ITGA1: variants seen among roughly 807,000 people sequenced by gnomAD.
ITGA1 encodes integrin alpha-1.
In ITGA1, 85 loss-of-function variants were observed where a neutral mutation model predicts 145.9. The ratio of observed to expected loss-of-function variants is 0.58; its 90% CI spans 0.49 to 0.70. The LOEUF is 0.70. Among genes scored for constraint, ITGA1 ranks in the 30% least tolerant of loss-of-function variants. The pLI, the probability that ITGA1 is intolerant of heterozygous loss-of-function variation, is 0.00. For synonymous variants in ITGA1, 520 were observed against 495.3 expected (o/e 1.05, Z -0.66); for missense variants, 1,351 against 1,418.7 (o/e 0.95, Z 0.77).
intron 6 of ITGA1, among the ~76,000 whole-genome samples, 198 bp downstream of exon 6, chr5:52,866,015 T>TTTTTTC (rs1333552916): frequency 6.6e-6 from 1 of 152,058 alleles, no homozygotes; most frequent in Non-Finnish European, 1.5e-5. Context: ...TTCTTTTTTC[T>TTTTTTC]TTTTTCTTTT....
chr5:52,849,498 GT>G lies in ITGA1; in HGVS notation c.182+17del. 1 of 1,578,046 alleles carries G rather than the reference GT, an allele frequency of 6.3e-7. No individual in the cohort carries two copies. The stretch of plus-strand genomic sequence containing the variant: ...AAGAAGGAAAATGGTAAGCCAGTGG[GT>G]TTTGTTGTTGTTATTTACTTATTTC... On this transcript the variant is annotated intron_variant, in intron 2 of 28. Transcript: ENST00000282588.
At chr5:52,836,080 T>A (rs1374934450) in intron 1 of ITGA1, among the ~76,000 whole-genome samples, 1 of 152,214 alleles carries the variant, frequency 6.6e-6, no homozygotes, top group Non-Finnish European at 1.5e-5. Flanking sequence ...TTATTTTGCA[T>A]CTTCCCTGAA....
chr5:52,855,442 G>A (rs377084085), intron 2 of ITGA1, among the ~76,000 whole-genome samples: 6 of 152,242 alleles, frequency 3.9e-5, no homozygotes, highest in South Asian at 2.1e-4. Context: ...TGACACAGTC[G>A]TTAATTCATT....
intron 14 of ITGA1, among the ~76,000 whole-genome samples, chr5:52,914,206 T>G (rs1409443351): frequency 6.6e-6 from 1 of 152,150 alleles, no homozygotes; most frequent in Non-Finnish European, 1.5e-5. Context: ...TGGCAAAATG[T>G]TTTTCCAAGG....
intron 1 of ITGA1, among the ~76,000 whole-genome samples, chr5:52,808,520 G>A (rs1489082528): frequency 2.0e-5 from 3 of 152,058 alleles, no homozygotes; most frequent in Non-Finnish European, 4.4e-5. Flanking sequence ...CTTTTTGTTT[G>A]ACACCATTGT....
intron 1 of ITGA1, among the ~76,000 whole-genome samples, chr5:52,816,786 G>A (rs889296): frequency 0.26 from 39,005 of 152,040 alleles, 5,355 homozygotes; most frequent in Non-Finnish European, 0.3. Context: ...CTAACACTCC[G>A]CTATTTCTGG....
Position 52,925,426 on chromosome 5 carries a change from G to C in ITGA1, c.2552G>C (p.Ser851Thr), listed in dbSNP as rs570044500. Residue 851 changes from serine to threonine, a missense_variant, in exon 19 of 29, where the codon AGT becomes ACT. By Grantham distance (58) the Ser-to-Thr change is moderately conservative. Coordinates refer to ENST00000282588, the MANE Select transcript of ITGA1 (RefSeq NM_181501.2). ...VSLTVKNTKD[S>T]AYNTRTIVHY... The stretch of plus-strand genomic sequence containing the variant: ...CTCACAGTCAAAAATACAAAGGACA[G>C]TGCCTATAACACCAGGACAATAGTG... The C allele has an allele frequency of 2.8e-5, 45 of 1,614,058 alleles. No homozygotes were observed. The highest frequency in any genetic ancestry group is 3.7e-5 in the Non-Finnish European group (44 of 1,179,928).
At chr5:52,941,910 GTCTT>G (rs1238438923) in intron 26 of ITGA1, among the ~76,000 whole-genome samples, 3 of 152,086 alleles carry the variant, frequency 2.0e-5, no homozygotes, top group Non-Finnish European at 1.5e-5. Flanking sequence ...ATAGTTAAAG[GTCTT>G]ATATTTAAAT....
chr5:52,790,340 C>T (rs1236194022), intron 1 of ITGA1, among the ~76,000 whole-genome samples: 3 of 152,222 alleles, frequency 2.0e-5, no homozygotes, highest in Non-Finnish European at 4.4e-5. Flanking sequence ...TCTCTATCTC[C>T]TACTACTCCT....
At chr5:52,879,971 AATATG>A (rs1267024120) in intron 6 of ITGA1, among the ~76,000 whole-genome samples, 1 of 152,216 alleles carries the variant, frequency 6.6e-6, no homozygotes, top group Non-Finnish European at 1.5e-5. Flanking sequence ...TTTTTTACAA[AATATG>A]ATATATGTAT....
chr5:52,816,626 C>G (rs1406676931), intron 1 of ITGA1, among the ~76,000 whole-genome samples: 1 of 152,106 alleles, frequency 6.6e-6, no homozygotes, highest in Non-Finnish European at 1.5e-5. Flanking sequence ...CTGGCCATAC[C>G]TCTCTTAGAG....
rs747840098 is a variant in ITGA1, at chr5:52,887,581, A to G, written c.774-234A>G. On this transcript the variant is annotated intron_variant, in intron 7 of 28. Transcript: ENST00000282588. ...GAATGAAATACTGCTGCCTTTTTATATATAGGATGTGTGGTGATTAGCAAA... is the reference window on the plus strand; with the variant it reads ...GAATGAAATACTGCTGCCTTTTTATGTATAGGATGTGTGGTGATTAGCAAA... Among the ~76,000 whole-genome samples, 357 of 152,282 alleles carry G rather than the reference A, an allele frequency of 2.3e-3. 1 individual carries two copies. Among genetic ancestry groups the G allele is most frequent in the Non-Finnish European group, 3.5e-3 (237 of 68,026 alleles).
At chr5:52,939,353 A>G (rs1040374179) in intron 24 of ITGA1, among the ~76,000 whole-genome samples, 1 of 152,076 alleles carries the variant, frequency 6.6e-6, no homozygotes. Flanking sequence ...TTACAACCTC[A>G]CTAGTTTCCA....
At chr5:52,939,154 C>T (rs1010213277) in intron 24 of ITGA1, among the ~76,000 whole-genome samples, 3 of 152,122 alleles carry the variant, frequency 2.0e-5, no homozygotes, top group African/African-American at 4.8e-5. Flanking sequence ...CCACCCACCT[C>T]GGCCTCCCAG....
chr5:52,873,112 T>C (rs528669978), intron 6 of ITGA1, among the ~76,000 whole-genome samples: 1 of 152,328 alleles, frequency 6.6e-6, no homozygotes, highest in African/African-American at 2.4e-5. Context: ...AATTTTCACC[T>C]TCTCATGTAT....
chr5:52,834,719 G>A (rs947674970), intron 1 of ITGA1, among the ~76,000 whole-genome samples: 2 of 149,876 alleles, frequency 1.3e-5, no homozygotes, highest in South Asian at 2.1e-4. Context: ...AGGAAGGAAG[G>A]AGAGAAAGAG....
chr5:52,798,633 T>C (rs979227454), intron 1 of ITGA1, among the ~76,000 whole-genome samples: 2 of 152,158 alleles, frequency 1.3e-5, no homozygotes, highest in African/African-American at 4.8e-5. Context: ...GGGAAAATAG[T>C]CATTCATGCC....
At chr5:52,826,349 A>G (rs1276299670) in intron 1 of ITGA1, among the ~76,000 whole-genome samples, 1 of 152,240 alleles carries the variant, frequency 6.6e-6, no homozygotes, top group Non-Finnish European at 1.5e-5. Flanking sequence ...GGAAGCTAGC[A>G]GAGGTTGGTT....
chr5:52,922,988 C>A, intron 18 of ITGA1, 101 bp downstream of exon 18: 1 of 650,988 alleles, frequency 1.5e-6, no homozygotes, highest in South Asian at 2.0e-5. Context: ...TCACAAAGAA[C>A]GAACAACTAA....
Sources: gnomAD v4.1 joint callset for allele counts (sites outside exome capture counted in the v4.1 genomes callset) on GRCh38, gnomAD v4.1.1 for gene constraint, MANE v1.5 for transcripts, NCBI Gene and HGNC (gene_info 2026-07-23, HGNC 2026-07-21) for gene names.